PDE12: variants seen among roughly 807,000 people sequenced by gnomAD.
PDE12 encodes phosphodiesterase 12.
PDE12 carries 26 observed loss-of-function variants against 45.4 expected under a neutral mutation model. That is an observed-to-expected ratio of 0.57 (90% CI 0.42 to 0.79). The LOEUF is 0.79. Ranked by LOEUF, PDE12 falls within the 30% of genes least tolerant of loss-of-function variation. The pLI is 0.00. For missense variants in PDE12, 668 were observed against 790.0 expected (o/e 0.85, Z 1.85); for synonymous variants, 283 against 323.9 (o/e 0.87, Z 1.36).
Position 57,562,134 on chromosome 3 carries a change from A to G in PDE12, c.*2130A>G, listed in dbSNP as rs1174940295. 2.0e-6 allele frequency: 2 copies of G among 976,786 alleles called. No individual in the cohort carries two copies. The highest frequency in any genetic ancestry group is 6.2e-5 in the Admixed American group (1 of 16,238). The allele number at this position is 976,786 out of a possible 1,614,324, so 60.5% of individuals were successfully genotyped here. A position where few individuals can be genotyped will look rare whatever the true frequency, so the allele number is the denominator to read the frequency against. On this transcript the variant is annotated 3_prime_UTR_variant, in exon 3 of 3. Transcript: ENST00000311180. ...TAGAACCCTTAGAGTGACTTGGGAG[A>G]AAACAAAGTGTCACATCAAAAAGTT...
chr3:57,581,102 T>G, the PDE12 span, among the ~76,000 whole-genome samples: 1 of 152,272 alleles, frequency 6.6e-6, no homozygotes, highest in Non-Finnish European at 1.5e-5. Context: ...ATTTACTTAT[T>G]TACAATGGCA....
At chr3:57,602,565 T>C in the PDE12 span, among the ~76,000 whole-genome samples, 7 of 152,124 alleles carry the variant, frequency 4.6e-5, no homozygotes, top group African/African-American at 1.4e-4. Flanking sequence ...GTGCCCTTTA[T>C]TGTCTCCTCT....
At chr3:57,639,288 A>G in the PDE12 span, among the ~76,000 whole-genome samples, 1 of 152,248 alleles carries the variant, frequency 6.6e-6, no homozygotes, top group Non-Finnish European at 1.5e-5. Flanking sequence ...ATGTTAAGAA[A>G]TAGGAACCCT....
chr3:57,618,396 C>A, the PDE12 span, among the ~76,000 whole-genome samples: 1 of 151,900 alleles, frequency 6.6e-6, no homozygotes, highest in Non-Finnish European at 1.5e-5. Context: ...GATACAAATG[C>A]ATTTGTTTTA....
At chr3:57,592,010 A>G in the PDE12 span, among the ~76,000 whole-genome samples, 4 of 152,306 alleles carry the variant, frequency 2.6e-5, no homozygotes, top group Non-Finnish European at 4.4e-5. Context: ...TACATATACT[A>G]AAACCCACGG....
At chr3:57,650,588 G>A in the PDE12 span, among the ~76,000 whole-genome samples, 2 of 152,044 alleles carry the variant, frequency 1.3e-5, no homozygotes, top group Non-Finnish European at 2.9e-5. Flanking sequence ...AGGCTTTTTA[G>A]AGAAATGGCT....
chr3:57,653,559 C>T, the PDE12 span, among the ~76,000 whole-genome samples: 57,991 of 151,320 alleles, frequency 0.38, 12,522 homozygotes, highest in South Asian at 0.56. Flanking sequence ...TCCTGGCTAA[C>T]AACGGTGAAA....
Position 57,559,660 on chromosome 3 carries a change from G to A in PDE12, c.1486G>A (p.Asp496Asn). 5 of 1,614,130 alleles carry A rather than the reference G, an allele frequency of 3.1e-6. No homozygotes were observed. The highest frequency in any genetic ancestry group is 4.2e-6 in the Non-Finnish European group (5 of 1,180,022). ...YPGIPVIFCG[D>N]FNSTPSTGMY... Reference sequence around the variant, plus strand: ...TGGCATACCAGTTATATTTTGTGGGGACTTTAATAGTACACCATCAACAGG... The same window carrying A: ...TGGCATACCAGTTATATTTTGTGGGAACTTTAATAGTACACCATCAACAGG... The change falls in exon 3 of 3, where the codon GAC (aspartate) becomes AAC (asparagine). Residue 496 changes from aspartate to asparagine, a missense_variant. Transcript: ENST00000311180.
chr3:57,590,759 G>A, the PDE12 span, among the ~76,000 whole-genome samples: 1 of 152,060 alleles, frequency 6.6e-6, no homozygotes, highest in Non-Finnish European at 1.5e-5. Context: ...GCTCACTGTA[G>A]CCTCAAACTC....
At chr3:57,615,566 G>T in the PDE12 span, among the ~76,000 whole-genome samples, 2 of 151,922 alleles carry the variant, frequency 1.3e-5, no homozygotes, top group Non-Finnish European at 2.9e-5. Flanking sequence ...CACCTTGGGA[G>T]GCCGAGGCGG....
At chr3:57,609,768 G>C in the PDE12 span, among the ~76,000 whole-genome samples, 78 of 152,214 alleles carry the variant, frequency 5.1e-4, 1 homozygote, top group Non-Finnish European at 4.1e-4. Context: ...AAAAAGTCCA[G>C]GACCAGAGAG....
chr3:57,556,693 G>C lies in PDE12; in HGVS notation c.314G>C (p.Gly105Ala). The change falls in exon 1 of 3, where the codon GGT (glycine) becomes GCT (alanine). Residue 105 changes from glycine (G) to alanine (A), a missense_variant. Gly to Ala is a moderately conservative substitution (Grantham distance 60, BLOSUM62 0). This residue lies in a region of PDE12 where 580 missense variants were observed against 662.9 expected (regional missense o/e 0.87). Transcript: ENST00000311180. This position sits in a 1 kb window ranked among gnomAD's most constrained non-coding sequence, Gnocchi z 5.0. ...SRKSRPNASG[G>A]AACSGPGPEP... ...AAGAGCCGGCCGAATGCTAGCGGCG[G>C]TGCGGCCTGTTCAGGGCCGGGGCCT... is the stretch of plus-strand genomic sequence containing the variant. 1 of 1,595,674 alleles carries C rather than the reference G, an allele frequency of 6.3e-7. No individual in the cohort carries two copies. Among genetic ancestry groups the C allele is most frequent in the Non-Finnish European group, 8.6e-7 (1 of 1,168,016 alleles).
chr3:57,604,070 C>T, the PDE12 span, among the ~76,000 whole-genome samples: 213 of 151,778 alleles, frequency 1.4e-3, 1 homozygote, highest in African/African-American at 4.9e-3. Flanking sequence ...ATTACAGGCG[C>T]CTGCCACCAC....
the PDE12 span, chr3:57,575,640 G>A: frequency 6.2e-7 from 1 of 1,613,270 alleles, no homozygotes; most frequent in South Asian, 1.1e-5. Flanking sequence ...GCAAAAAGTA[G>A]CAGCACTGCA....
At chr3:57,652,442 GA>G in the PDE12 span, among the ~76,000 whole-genome samples, 1 of 152,070 alleles carries the variant, frequency 6.6e-6, no homozygotes, top group Non-Finnish European at 1.5e-5. Flanking sequence ...TGAAACCACA[GA>G]TAACAACTTG....
chr3:57,625,051 GT>G, the PDE12 span, among the ~76,000 whole-genome samples: 3 of 152,056 alleles, frequency 2.0e-5, no homozygotes, highest in Non-Finnish European at 4.4e-5. Context: ...CTGCAGGCAT[GT>G]GCCACCATGC....
chr3:57,643,771 G>A, the PDE12 span, among the ~76,000 whole-genome samples: 1 of 149,190 alleles, frequency 6.7e-6, no homozygotes, highest in African/African-American at 2.5e-5. Flanking sequence ...AGTTTGCAGT[G>A]AGCTGAGGTC....
rs758330953 is a variant in PDE12 at position 57,557,399 on chromosome 3, C to T, written c.1020C>T (p.Thr340=). Residue 340 remains threonine, a synonymous_variant, in exon 1 of 3, where the codon ACC becomes ACT. Transcript: ENST00000311180. ...YRQNLIQKEL[T]GYNADVICLQ... ...AGAACCTTATCCAGAAGGAACTCAC[C>T]GGCTACAACGCCGATGTCATCTGTT... 2.5e-5 allele frequency: 41 copies of T among 1,613,872 alleles called. No individual in the cohort carries two copies. Among genetic ancestry groups the T allele is most frequent in the Non-Finnish European group, 3.4e-5 (40 of 1,180,022 alleles).
the PDE12 span, among the ~76,000 whole-genome samples, chr3:57,582,135 A>T: frequency 4.6e-5 from 7 of 152,192 alleles, no homozygotes; most frequent in Non-Finnish European, 8.8e-5. Context: ...TCGGATAAGG[A>T]ATGTTCACCT....
Sources: gnomAD v4.1 joint callset for allele counts (sites outside exome capture counted in the v4.1 genomes callset) on GRCh38, gnomAD v4.1.1 for gene constraint, gnomAD v4.1.1 regional missense constraint, Gnocchi (gnomAD v3.1) non-coding constraint, MANE v1.5 for transcripts, NCBI Gene and HGNC (gene_info 2026-07-23, HGNC 2026-07-21) for gene names.